The following CYP20A1 variants were observed in gnomAD, a reference collection of about 807,000 sequenced individuals.
The protein encoded by CYP20A1 is cytochrome P450 20A1.
CYP20A1 carries 61 observed loss-of-function variants against 61.4 expected under a neutral mutation model. That is an observed-to-expected ratio of 0.99 (90% confidence interval 0.81 to 1.23). The LOEUF (loss-of-function observed/expected upper bound fraction) is 1.23, where lower values mean the gene tolerates loss of function less well. Ranked by LOEUF, CYP20A1 falls within the 50% of genes most tolerant of loss-of-function variation. CYP20A1 has a pLI of 0.00. For synonymous variants in CYP20A1, 193 were observed against 188.2 expected (o/e 1.03, Z -0.21); for missense variants, 530 against 542.4 (o/e 0.98, Z 0.23).
chr2:203,278,881 T>C (rs2067930490), intron 7 of CYP20A1, among the ~76,000 whole-genome samples, 193 bp downstream of exon 7: 1 of 152,152 alleles, frequency 6.6e-6, no homozygotes, highest in African/African-American at 2.4e-5. Context: ...ATATATACAG[T>C]GTGCTTTTCA....
intron 4 of CYP20A1, among the ~76,000 whole-genome samples, chr2:203,253,461 A>G (rs1176369641): frequency 6.6e-6 from 1 of 152,208 alleles, no homozygotes. Context: ...GTTGTGGGGA[A>G]CTGAGGACCA....
At chr2:203,255,490 C>T (rs527936667) in intron 4 of CYP20A1, among the ~76,000 whole-genome samples, 2 of 152,162 alleles carry the variant, frequency 1.3e-5, no homozygotes, top group East Asian at 1.9e-4. Flanking sequence ...AAAGTCAGAG[C>T]CTATACTCAC....
In CYP20A1 at chr2:203,301,195, C is replaced by CAAA. The variant is rs71034235; in HGVS notation, c.*4300_*4302dup. The stretch of plus-strand genomic sequence containing the variant: ...TGGGCAAGAAGAGTGAAACTCTATC[C>CAAA]AAAAAAAAAAAAAAACCATACGTAC... On this transcript the variant is annotated 3_prime_UTR_variant, in exon 13 of 13. Coordinates refer to ENST00000356079, the MANE Select transcript of CYP20A1 (RefSeq NM_177538.3). 8.1e-6 allele frequency among the ~76,000 whole-genome samples: 1 copy of CAAA among 123,088 alleles called. No individual in the cohort carries two copies. Among genetic ancestry groups the CAAA allele is most frequent in the Admixed American group, 8.5e-5 (1 of 11,812 alleles). The allele number at this position is 123,088 out of a possible 152,430, so 80.8% of individuals were successfully genotyped here.
At chr2:203,265,084 G>C (rs1489506668) in intron 4 of CYP20A1, among the ~76,000 whole-genome samples, 1 of 152,082 alleles carries the variant, frequency 6.6e-6, no homozygotes, top group East Asian at 1.9e-4. Context: ...CATTTTCTCT[G>C]TTAGCTTATT....
chr2:203,271,070 A>T (rs868115006), intron 5 of CYP20A1, among the ~76,000 whole-genome samples: 5 of 69,908 alleles, frequency 7.2e-5, no homozygotes, highest in Admixed American at 1.8e-4. Flanking sequence ...ATATATATAT[A>T]TATATATATA....
intron 1 of CYP20A1, among the ~76,000 whole-genome samples, chr2:203,243,734 G>A (rs895173514): frequency 2.9e-5 from 4 of 138,898 alleles, no homozygotes; most frequent in African/African-American, 1.1e-4. Context: ...CTGTCACCCA[G>A]GCTGCAGTGC....
chr2:203,283,601 T>C (rs1575251385), intron 8 of CYP20A1, among the ~76,000 whole-genome samples: 1 of 147,814 alleles, frequency 6.8e-6, no homozygotes. Flanking sequence ...CAGGCTGGAG[T>C]GCAGTGGCGC....
intron 5 of CYP20A1, among the ~76,000 whole-genome samples, chr2:203,269,769 T>C (rs529148902): frequency 6.6e-6 from 1 of 151,934 alleles, no homozygotes; most frequent in African/African-American, 2.4e-5. Context: ...GCTGGGATTG[T>C]AGGTGCTTGT....
At chr2:203,243,425 C>T (rs1351893449) in intron 1 of CYP20A1, among the ~76,000 whole-genome samples, 1 of 151,910 alleles carries the variant, frequency 6.6e-6, no homozygotes, top group Non-Finnish European at 1.5e-5. Context: ...GAGTCTCGCT[C>T]TGTCTCCCAG....
chr2:203,298,114 A>C lies in CYP20A1; in HGVS notation c.*1206A>C, dbSNP rs140687488. 0.011 allele frequency: 1,698 copies of C among 155,298 alleles called. 19 individuals are homozygous for C. Among genetic ancestry groups the C allele is most frequent in the Non-Finnish European group, 0.017 (1,187 of 69,702 alleles). 9.6% of individuals were successfully genotyped at this position (155,298 alleles called of 1,614,324 possible). On this transcript the variant is annotated 3_prime_UTR_variant, in exon 13 of 13. Transcript: ENST00000356079. Reference sequence around the variant, plus strand: ...AAGTAACAAAATATTGGGGCAGGGCACAGTGGCTCATGCGTATAATCCTAG... The same window carrying C: ...AAGTAACAAAATATTGGGGCAGGGCCCAGTGGCTCATGCGTATAATCCTAG...
At position 203,301,792 on chromosome 2, in the gene CYP20A1, G is replaced by A. The variant is rs1003067472; in HGVS notation, c.*4884G>A. ...TATCTTAAAATAGTTTGTATAAAAA[G>A]TCTTTACTGCTTTATTATGAAATAA... On this transcript the variant is annotated 3_prime_UTR_variant, in exon 13 of 13. Coordinates refer to ENST00000356079, the MANE Select transcript of CYP20A1 (RefSeq NM_177538.3). 4.6e-5 allele frequency among the ~76,000 whole-genome samples: 7 copies of A among 151,518 alleles called. No homozygotes were observed. Among genetic ancestry groups the A allele is most frequent in the Non-Finnish European group, 8.8e-5 (6 of 67,946 alleles).
intron 4 of CYP20A1, among the ~76,000 whole-genome samples, chr2:203,261,137 G>A (rs533616891): frequency 5.7e-4 from 87 of 152,124 alleles, no homozygotes; most frequent in African/African-American, 2.1e-3. Flanking sequence ...GGGAGGCCAA[G>A]GTGGGAGGAT....
Position 203,301,166 on chromosome 2 carries a change from A to C in CYP20A1, c.*4258A>C, listed in dbSNP as rs1420794557. Among the ~76,000 whole-genome samples the C allele has an allele frequency of 5.4e-5, 8 of 149,418 alleles. No individual in the cohort carries two copies. The highest frequency in any genetic ancestry group is 2.0e-4 in the African/African-American group (8 of 41,008). ...AGCCAAGATTGCACCATTGCACTCC[A>C]GCCTGGGCAAGAAGAGTGAAACTCT... On this transcript the variant is annotated 3_prime_UTR_variant, in exon 13 of 13. Transcript: ENST00000356079.
chr2:203,252,180 G>A, intron 4 of CYP20A1, 71 bp downstream of exon 4: 1 of 1,215,426 alleles, frequency 8.2e-7, no homozygotes, highest in Non-Finnish European at 1.1e-6. Flanking sequence ...GAGTATTGGT[G>A]TGTACTATCT....
In CYP20A1 at chr2:203,246,754, G is replaced by A; in HGVS notation, c.123-1G>A. 1 of 1,606,348 alleles carries A rather than the reference G, an allele frequency of 6.2e-7. No individual in the cohort carries two copies. The highest frequency in any genetic ancestry group is 8.5e-7 in the Non-Finnish European group (1 of 1,178,092). On this transcript the variant is annotated splice_acceptor_variant, in intron 2 of 12. Coordinates refer to ENST00000356079, the MANE Select transcript of CYP20A1 (RefSeq NM_177538.3). LOFTEE classifies it high-confidence loss of function. ...TTTGTCAAATGTTGCTCTTTTGCCAGAGATGGTAATCTTCCAGATATTGTG... is the reference window on the plus strand; with the variant it reads ...TTTGTCAAATGTTGCTCTTTTGCCAAAGATGGTAATCTTCCAGATATTGTG...
chr2:203,304,508 T>A lies in CYP20A1; in HGVS notation c.*7600T>A, dbSNP rs1456147809. Among the ~76,000 whole-genome samples, 1 of 152,166 alleles carries A rather than the reference T, an allele frequency of 6.6e-6. No individual in the cohort carries two copies. The highest frequency in any genetic ancestry group is 1.5e-5 in the Non-Finnish European group (1 of 68,038). On this transcript the variant is annotated 3_prime_UTR_variant, in exon 13 of 13. Transcript: ENST00000356079. ...CACAGCGCCCGGCCAAAAAAAGGAA[T>A]TTTTAAGAGGAAAAAGAATGCTACC...
intron 4 of CYP20A1, among the ~76,000 whole-genome samples, chr2:203,256,302 G>C (rs555227720): frequency 1.3e-5 from 2 of 151,964 alleles, no homozygotes; most frequent in African/African-American, 4.8e-5. Context: ...ATAACACCCC[G>C]TGCCTTTCCT....
Position 203,296,972 on chromosome 2 carries a change from A to G in CYP20A1, c.*64A>G, listed in dbSNP as rs902832573. 1.2e-5 allele frequency: 11 copies of G among 949,468 alleles called. No individual in the cohort carries two copies. Among genetic ancestry groups the G allele is most frequent in the South Asian group, 7.1e-5 (4 of 56,172 alleles). 58.8% of individuals were successfully genotyped at this position (949,468 alleles called of 1,614,324 possible). A position where few individuals can be genotyped will look rare whatever the true frequency, so the allele number is the denominator to read the frequency against. Reference sequence around the variant, plus strand: ...GAAAACAACCATTTAAAAAAAATCTATGTTGAATCCTTTTATAAACCAGTA... The same window carrying G: ...GAAAACAACCATTTAAAAAAAATCTGTGTTGAATCCTTTTATAAACCAGTA... On this transcript the variant is annotated 3_prime_UTR_variant, in exon 13 of 13. Coordinates refer to ENST00000356079, the MANE Select transcript of CYP20A1 (RefSeq NM_177538.3).
intron 4 of CYP20A1, among the ~76,000 whole-genome samples, chr2:203,254,786 C>T (rs2066833610): frequency 6.6e-6 from 1 of 151,960 alleles, no homozygotes; most frequent in East Asian, 1.9e-4. Context: ...GGCAGGAGTT[C>T]CAGACCAGCC....
Sources: gnomAD v4.1 joint callset for allele counts (sites outside exome capture counted in the v4.1 genomes callset) on GRCh38, gnomAD v4.1.1 for gene constraint, MANE v1.5 for transcripts, NCBI Gene and HGNC (gene_info 2026-07-23, HGNC 2026-07-21) for gene names.